ADGRL3: variants seen among roughly 807,000 people sequenced by gnomAD.
ADGRL3 encodes adhesion G protein-coupled receptor L3, also known as calcium-independent alpha-latrotoxin receptor 3.
In ADGRL3, 62 loss-of-function variants were observed where a neutral mutation model predicts 153.5. The ratio of observed to expected loss-of-function variants is 0.40; its 90% confidence interval spans 0.33 to 0.50. The LOEUF (loss-of-function observed/expected upper bound fraction) is 0.50. ADGRL3 is among the 20% of genes least tolerant of loss of function. ADGRL3 has a pLI of 0.47. For missense variants in ADGRL3, 1,641 were observed against 1,859.4 expected (o/e 0.88, Z 2.16); for synonymous variants, 710 against 672.5 (o/e 1.06, Z -0.86).
At chr4:61,933,405 G>C (rs1432794354) in intron 13 of ADGRL3, among the ~76,000 whole-genome samples, 1 of 151,822 alleles carries the variant, frequency 6.6e-6, no homozygotes, top group African/African-American at 2.4e-5. Context: ...CTTTTGTCTG[G>C]CTACTAGGTC....
intron 2 of ADGRL3, among the ~76,000 whole-genome samples, chr4:61,486,939 A>T (rs1458653182): frequency 1.3e-5 from 2 of 152,184 alleles, no homozygotes; most frequent in African/African-American, 2.4e-5. Flanking sequence ...TGTGCCAAAG[A>T]CATATATAAT....
intron 2 of ADGRL3, chr4:61,385,485 T>C (rs1326747873): frequency 6.6e-6 from 1 of 152,170 alleles, no homozygotes; most frequent in Non-Finnish European, 1.5e-5. Flanking sequence ...CTGGAATGTA[T>C]AACCTCACCT....
intron 1 of ADGRL3, among the ~76,000 whole-genome samples, chr4:61,329,736 G>A (rs2095534065): frequency 1.3e-5 from 2 of 152,058 alleles, no homozygotes; most frequent in Admixed American, 6.6e-5. Flanking sequence ...TTTTATGATT[G>A]CATAGGATGT....
At chr4:62,011,484 C>T (rs887316075) in intron 21 of ADGRL3, among the ~76,000 whole-genome samples, 1 of 151,586 alleles carries the variant, frequency 6.6e-6, no homozygotes, top group East Asian at 1.9e-4. Flanking sequence ...CGGTATAGGG[C>T]GGTTATCTCT....
chr4:61,421,072 A>G (rs1044005731), intron 2 of ADGRL3, among the ~76,000 whole-genome samples: 2 of 152,044 alleles, frequency 1.3e-5, no homozygotes, highest in African/African-American at 4.8e-5. Flanking sequence ...GCACTTTGGG[A>G]GGCCGAGGTG....
chr4:61,308,520 C>A (rs2094884721), intron 1 of ADGRL3, among the ~76,000 whole-genome samples: 1 of 152,142 alleles, frequency 6.6e-6, no homozygotes, highest in Admixed American at 6.5e-5. Flanking sequence ...CTATGCCTAA[C>A]CTATTTGTTC....
intron 4 of ADGRL3, among the ~76,000 whole-genome samples, chr4:61,549,515 C>G (rs1278434100): frequency 6.6e-6 from 1 of 152,000 alleles, no homozygotes; most frequent in Non-Finnish European, 1.5e-5. Flanking sequence ...GTGTAATTAT[C>G]ATTTTTGTGG....
chr4:61,665,141 T>A lies in ADGRL3; in HGVS notation c.474-11685T>A, dbSNP rs549278830. Among the ~76,000 whole-genome samples the A allele has an allele frequency of 2.6e-5, 4 of 152,336 alleles. No individual in the cohort carries two copies. The East Asian group carries it at 7.7e-4, about 29-fold the overall frequency. On this transcript the variant is annotated intron_variant, in intron 5 of 26. Coordinates refer to ENST00000683033, the MANE Select transcript of ADGRL3 (RefSeq NM_001387552.1). ...TAAATGGCAGAACTGCCGGGCGCGG[T>A]GGCTCCCGCCTGTAATTCCAGCACT... is the stretch of plus-strand genomic sequence containing the variant.
intron 1 of ADGRL3, among the ~76,000 whole-genome samples, chr4:61,328,570 T>A (rs1439539167): frequency 2.0e-5 from 3 of 152,182 alleles, no homozygotes; most frequent in Non-Finnish European, 4.4e-5. Context: ...AGAAAATAGC[T>A]GCAAGTATAG....
intron 8 of ADGRL3, among the ~76,000 whole-genome samples, chr4:61,801,640 G>C (rs2097498689): frequency 1.3e-5 from 2 of 152,106 alleles, no homozygotes; most frequent in Admixed American, 6.6e-5. Context: ...GATATGTGAA[G>C]CCTCGTGGTA....
At chr4:62,031,371 T>G (rs1462612782) in intron 22 of ADGRL3, 71 bp from the exon 23 acceptor site, 1 of 1,271,548 alleles carries the variant, frequency 7.9e-7, no homozygotes, top group African/African-American at 1.5e-5. Context: ...AGTGTCGTAT[T>G]GTTGATCTGA....
chr4:61,577,537 G>A (rs954108998), intron 4 of ADGRL3, among the ~76,000 whole-genome samples: 7 of 152,004 alleles, frequency 4.6e-5, no homozygotes, highest in African/African-American at 1.7e-4. Flanking sequence ...GAGGCCAGAT[G>A]AGGTGGCTTG....
chr4:61,841,825 C>T (rs1469230657), intron 9 of ADGRL3, among the ~76,000 whole-genome samples: 1 of 152,194 alleles, frequency 6.6e-6, no homozygotes, highest in Non-Finnish European at 1.5e-5. Context: ...AGACTTTACT[C>T]TTGTGTGTGC....
intron 2 of ADGRL3, among the ~76,000 whole-genome samples, chr4:61,416,244 A>G (rs1325366056): frequency 6.6e-6 from 1 of 150,834 alleles, no homozygotes; most frequent in Non-Finnish European, 1.5e-5. Context: ...AATTTTGGGG[A>G]AAAAAATGAT....
intron 2 of ADGRL3, among the ~76,000 whole-genome samples, chr4:61,404,864 G>A (rs1342095420): frequency 6.6e-6 from 1 of 151,974 alleles, no homozygotes; most frequent in Non-Finnish European, 1.5e-5. Context: ...TTAGAACCCT[G>A]ATGTTTTACT....
At chr4:61,298,269 G>A (rs1285702923) in intron 1 of ADGRL3, among the ~76,000 whole-genome samples, 1 of 152,036 alleles carries the variant, frequency 6.6e-6, no homozygotes, top group Non-Finnish European at 1.5e-5. Flanking sequence ...CAACTGTCAT[G>A]AGAATATCAT....
At chr4:61,434,909 T>G (rs1213462157) in intron 2 of ADGRL3, among the ~76,000 whole-genome samples, 1 of 152,128 alleles carries the variant, frequency 6.6e-6, no homozygotes, top group East Asian at 1.9e-4. Flanking sequence ...TGCAAATGTT[T>G]TAATTTACAT....
At chr4:61,502,119 A>T (rs2152829991) in intron 3 of ADGRL3, among the ~76,000 whole-genome samples, 1 of 152,232 alleles carries the variant, frequency 6.6e-6, no homozygotes, top group Non-Finnish European at 1.5e-5. Context: ...GCAAGGGAAA[A>T]TAAGGAAATT....
intron 6 of ADGRL3, among the ~76,000 whole-genome samples, chr4:61,707,124 C>G (rs937673979): frequency 4.6e-5 from 7 of 152,184 alleles, no homozygotes; most frequent in Non-Finnish European, 8.8e-5. Context: ...GTAGAGCAGT[C>G]AGAACACAAG....
Sources: gnomAD v4.1 joint callset for allele counts (sites outside exome capture counted in the v4.1 genomes callset) on GRCh38, gnomAD v4.1.1 for gene constraint, MANE v1.5 for transcripts, NCBI Gene and HGNC (gene_info 2026-07-23, HGNC 2026-07-21) for gene names.